The following SHANK2 variants were observed in gnomAD, a reference collection of about 807,000 sequenced individuals.
The protein encoded by SHANK2 is SH3 and multiple ankyrin repeat domains 2, also known as SH3 and multiple ankyrin repeat domains protein 2.
A neutral mutation model predicts 133.7 loss-of-function variants in SHANK2; 43 were observed. The observed-to-expected ratio is 0.32, with a 90% CI of 0.25 to 0.41. The LOEUF (loss-of-function observed/expected upper bound fraction) is 0.41. SHANK2 is among the 10% of genes least tolerant of loss of function. The pLI is 1.00. For missense variants in SHANK2, 1,994 were observed against 2,235.8 expected, an observed-to-expected ratio of 0.89 and a Z score of 2.18; for synonymous variants, 1,017 against 952.8, an observed-to-expected ratio of 1.07 and a Z score of -1.24.
chr11:71,092,390 G>A (rs575844114), intron 8 of SHANK2, 32 bp downstream of exon 8: 246 of 1,550,208 alleles, frequency 1.6e-4, no homozygotes, highest in Non-Finnish European at 2.0e-4. Context: ...CAGTTCGTGG[G>A]TACAACAGAG....
intron 17 of SHANK2, among the ~76,000 whole-genome samples, chr11:70,600,532 T>G (rs1485792321): frequency 6.7e-6 from 1 of 149,102 alleles, no homozygotes; most frequent in Non-Finnish European, 1.5e-5. Context: ...CCTGAAGAGA[T>G]AAAAGGTGGG....
At chr11:70,570,926 A>C (rs2060037788) in intron 17 of SHANK2, among the ~76,000 whole-genome samples, 1 of 152,146 alleles carries the variant, frequency 6.6e-6, no homozygotes, top group Non-Finnish European at 1.5e-5. Context: ...TAAATCTTGT[A>C]GTTATCTTGT....
chr11:70,937,937 C>CTGTGTGCATGCCTGTGTGTG (rs1950593326), intron 10 of SHANK2, among the ~76,000 whole-genome samples: 1 of 151,990 alleles, frequency 6.6e-6, no homozygotes, highest in African/African-American at 2.4e-5. Flanking sequence ...GTGTGGATGC[C>CTGTGTGCATGCCTGTGTGTG]TGTGTGCATG....
intron 2 of SHANK2, among the ~76,000 whole-genome samples, chr11:71,220,241 G>GAAAC (rs568935181): frequency 0.014 from 2,132 of 152,064 alleles, 37 homozygotes; most frequent in African/African-American, 0.041. Flanking sequence ...TCTCAAAACA[G>GAAAC]AAACAAACAA....
At chr11:70,772,695 C>A (rs1555043136) in intron 14 of SHANK2, among the ~76,000 whole-genome samples, 1 of 152,098 alleles carries the variant, frequency 6.6e-6, no homozygotes, top group Non-Finnish European at 1.5e-5. Context: ...CTGCAGTGGG[C>A]CTGAGTAAAC....
intron 3 of SHANK2, among the ~76,000 whole-genome samples, chr11:71,119,884 G>A (rs1952052012): frequency 1.3e-5 from 2 of 152,092 alleles, no homozygotes; most frequent in South Asian, 4.1e-4. Flanking sequence ...GACATGGATC[G>A]TTCTTTAGCA....
intron 17 of SHANK2, among the ~76,000 whole-genome samples, chr11:70,630,710 A>G (rs1352607316): frequency 6.6e-6 from 1 of 152,192 alleles, no homozygotes; most frequent in African/African-American, 2.4e-5. Flanking sequence ...TGGACTCCCC[A>G]GAAGCTGAAA....
intron 21 of SHANK2, among the ~76,000 whole-genome samples, chr11:70,498,523 C>T (rs1381307231): frequency 6.6e-6 from 1 of 152,180 alleles, no homozygotes; most frequent in African/African-American, 2.4e-5. Context: ...GCAGAGGCCC[C>T]ACCCCAAATC....
chr11:71,122,697 C>T (rs1260187218), intron 3 of SHANK2, among the ~76,000 whole-genome samples: 1 of 152,084 alleles, frequency 6.6e-6, no homozygotes. Context: ...CACGGGGAGA[C>T]GACCACGTGA....
chr11:71,220,295 TG>T (rs1954509347), intron 2 of SHANK2, among the ~76,000 whole-genome samples: 1 of 152,100 alleles, frequency 6.6e-6, no homozygotes, highest in South Asian at 2.1e-4. Flanking sequence ...GGCAAGGATG[TG>T]GGAAATTGGA....
chr11:70,486,425 G>C lies in SHANK2; in HGVS notation c.3868C>G (p.Arg1290Gly), dbSNP rs781804193. ...ATGTTCTTCTTGTCATCGCCTTTCC[G>C]GTCTCGGCCCAGGTCGGTCTCGTAC... ...NKYETDLGRD[R>G]KGDDKKNMLI... Residue 1290 changes from arginine (R) to glycine (G), a missense_variant, in exon 25 of 26, where the codon CGG (arginine) becomes GGG (glycine). By Grantham distance (125) the Arg-to-Gly change is moderately radical. Transcript: ENST00000601538. This position sits in a 1 kb window ranked among gnomAD's most constrained non-coding sequence, Gnocchi z 8.0. 3.1e-6 allele frequency: 5 copies of C among 1,614,036 alleles called. No individual in the cohort carries two copies. The South Asian group carries it at 5.5e-5, about 18-fold the overall frequency.
chr11:71,217,085 T>C (rs1359253761), intron 2 of SHANK2, among the ~76,000 whole-genome samples: 1 of 151,926 alleles, frequency 6.6e-6, no homozygotes, highest in Non-Finnish European at 1.5e-5. Context: ...AAGTCCCAGC[T>C]ACTTGGGAGG....
chr11:71,109,376 C>T (rs1555098633), intron 6 of SHANK2, among the ~76,000 whole-genome samples: 1 of 152,150 alleles, frequency 6.6e-6, no homozygotes, highest in African/African-American at 2.4e-5. Flanking sequence ...TGAGTGGAGG[C>T]GGGTACTGCC....
intron 17 of SHANK2, among the ~76,000 whole-genome samples, chr11:70,651,851 G>A (rs1200608578): frequency 1.3e-5 from 2 of 152,254 alleles, no homozygotes; most frequent in African/African-American, 4.8e-5. Context: ...TGGTTATTAA[G>A]TAGCCATTCA....
intron 9 of SHANK2, among the ~76,000 whole-genome samples, chr11:71,071,913 C>T (rs1951147987): frequency 6.6e-6 from 1 of 152,146 alleles, no homozygotes; most frequent in African/African-American, 2.4e-5. Context: ...CCCTGGGCAT[C>T]CAGCAGAGTT....
chr11:70,746,871 G>C (rs537400533), intron 14 of SHANK2, among the ~76,000 whole-genome samples: 2 of 152,010 alleles, frequency 1.3e-5, no homozygotes, highest in African/African-American at 4.8e-5. Context: ...GGGCTCTCCA[G>C]ATCTCTCTGC....
chr11:70,786,148 T>C (rs1275332340), intron 14 of SHANK2, among the ~76,000 whole-genome samples: 1 of 152,176 alleles, frequency 6.6e-6, no homozygotes, highest in African/African-American at 2.4e-5. Context: ...GCACAGGGCT[T>C]ATAAATGACG....
chr11:71,076,388 C>T (rs1951219845), intron 8 of SHANK2, among the ~76,000 whole-genome samples: 1 of 151,992 alleles, frequency 6.6e-6, no homozygotes, highest in Admixed American at 6.5e-5. Flanking sequence ...GTGAATTTCA[C>T]CTTCTCAGGG....
intron 8 of SHANK2, among the ~76,000 whole-genome samples, chr11:71,079,764 GAGAA>G (rs1951268469): frequency 1.4e-5 from 2 of 147,788 alleles, no homozygotes; most frequent in African/African-American, 2.5e-5. Flanking sequence ...CGAGAAAAGA[GAGAA>G]AGAAAGAGAG....
Sources: allele counts gnomAD v4.1 joint callset (sites outside exome capture counted in the v4.1 genomes callset), GRCh38; gene constraint gnomAD v4.1.1; non-coding constraint Gnocchi (gnomAD v3.1); transcripts MANE v1.5; gene names NCBI Gene and HGNC (gene_info 2026-07-23, HGNC 2026-07-21).